AIG1: variants seen among roughly 807,000 people sequenced by gnomAD.
The protein encoded by AIG1 is androgen induced 1.
AIG1 carries 23 observed loss-of-function variants against 31.4 expected under a neutral mutation model. The ratio of observed to expected loss-of-function variants is 0.73; its 90% CI spans 0.53 to 1.04. The LOEUF (loss-of-function observed/expected upper bound fraction) is 1.04, where lower values mean the gene tolerates loss of function less well. Among genes scored for constraint, AIG1 ranks in the 50% least tolerant of loss-of-function variants. The pLI is 0.00. For synonymous variants in AIG1, 100 were observed against 110.5 expected (o/e 0.90, Z 0.60); for missense variants, 274 against 295.0 (o/e 0.93, Z 0.52).
intron 4 of AIG1, among the ~76,000 whole-genome samples, chr6:143,312,472 T>C (rs1234418478): frequency 6.6e-6 from 1 of 152,104 alleles, no homozygotes; most frequent in Non-Finnish European, 1.5e-5. Context: ...GACAGTCTCT[T>C]CAATAAATGT....
At chr6:143,278,010 C>A (rs879599115) in intron 3 of AIG1, among the ~76,000 whole-genome samples, 8 of 152,208 alleles carry the variant, frequency 5.3e-5, no homozygotes, top group Non-Finnish European at 1.2e-4. Context: ...TTCTATTAAT[C>A]CACAGCGAAG....
chr6:143,222,864 A>G (rs181191348), intron 3 of AIG1, among the ~76,000 whole-genome samples: 2 of 152,340 alleles, frequency 1.3e-5, no homozygotes, highest in East Asian at 1.9e-4. Flanking sequence ...AGCAGCTCCA[A>G]GCCTTCCTGC....
intron 3 of AIG1, among the ~76,000 whole-genome samples, chr6:143,200,442 C>G (rs963328844): frequency 4.6e-5 from 7 of 152,116 alleles, no homozygotes; most frequent in Admixed American, 3.3e-4. Flanking sequence ...ACTTCCTTAT[C>G]CACACAGTGC....
Position 143,197,177 on chromosome 6 carries a change from CT to C in AIG1, c.399+32007del, listed in dbSNP as rs76014278. 9.4e-3 allele frequency among the ~76,000 whole-genome samples: 1,332 copies of C among 141,484 alleles called. 12 individuals carry two copies. Among genetic ancestry groups the C allele is most frequent in the East Asian group, 0.073 (359 of 4,926 alleles). 92.8% of individuals were successfully genotyped at this position (141,484 alleles called of 152,430 possible). ...TCAAATGTTTCTCGACACAAAAGTGCTTTTTTTTTTTTTCCTGTAGGACAGT... is the reference window on the plus strand; with the variant it reads ...TCAAATGTTTCTCGACACAAAAGTGCTTTTTTTTTTTTCCTGTAGGACAGT... On this transcript the variant is annotated intron_variant, in intron 3 of 5. Coordinates refer to ENST00000357847, the MANE Select transcript of AIG1 (RefSeq NM_016108.4).
intron 1 of AIG1, among the ~76,000 whole-genome samples, chr6:143,114,219 C>T (rs1207927808): frequency 6.6e-6 from 1 of 152,174 alleles, no homozygotes. Flanking sequence ...TTTCAAAACA[C>T]ATATCTGTTT....
At chr6:143,143,528 AATATATAT>A (rs1245695724) in intron 2 of AIG1, among the ~76,000 whole-genome samples, 30 of 27,796 alleles carry the variant, frequency 1.1e-3, no homozygotes, top group African/African-American at 2.8e-3. Flanking sequence ...AAAAAAAAAA[AATATATAT>A]ATATATATAT....
chr6:143,334,115 C>G lies in AIG1; in HGVS notation c.679+670C>G. ...GGCAAGGCACGTAATCTTATCCAAG[C>G]TGTGCAAAACCTGTCCAAAGTGTAT... is the stretch of plus-strand genomic sequence containing the variant. On this transcript the variant is annotated intron_variant, in intron 5 of 5. Coordinates refer to ENST00000357847, the MANE Select transcript of AIG1 (RefSeq NM_016108.4). The surrounding 1 kb of genome is among the most constrained non-coding windows in gnomAD (Gnocchi z 5.1). 1 of 1,550,136 alleles carries G rather than the reference C, an allele frequency of 6.5e-7. No homozygotes were observed. The highest frequency in any genetic ancestry group is 8.7e-7 in the Non-Finnish European group (1 of 1,146,678).
At chr6:143,085,021 T>C (rs1195082707) in intron 1 of AIG1, among the ~76,000 whole-genome samples, 1 of 152,220 alleles carries the variant, frequency 6.6e-6, no homozygotes, top group Non-Finnish European at 1.5e-5. Context: ...TTGGGGTTAG[T>C]GTCTGATCTA....
At chr6:143,177,720 A>C (rs958041035) in intron 3 of AIG1, among the ~76,000 whole-genome samples, 3 of 152,060 alleles carry the variant, frequency 2.0e-5, no homozygotes, top group African/African-American at 7.2e-5. Context: ...CTACCACTGG[A>C]GTGGGCAGGT....
Position 143,284,354 on chromosome 6 carries a change from G to A in AIG1, c.515+129G>A. 2 of 625,880 alleles carry A rather than the reference G, an allele frequency of 3.2e-6. No homozygotes were observed. The highest frequency in any genetic ancestry group is 5.5e-6 in the Non-Finnish European group (2 of 364,628). 38.8% of individuals were successfully genotyped at this position (625,880 alleles called of 1,614,324 possible). ...TGTGCCGCATTTGGTCCAAGACCTG[G>A]GCTTTGTCTCGTTTCCCCAGATGCT... On this transcript the variant is annotated intron_variant, in intron 4 of 5. Transcript: ENST00000357847. This position sits in a 1 kb window ranked among gnomAD's most constrained non-coding sequence, Gnocchi z 4.4.
At chr6:143,302,392 A>G (rs1583797875) in intron 4 of AIG1, among the ~76,000 whole-genome samples, 1 of 149,698 alleles carries the variant, frequency 6.7e-6, no homozygotes, top group East Asian at 2.0e-4. Flanking sequence ...ACCCCACAAC[A>G]GTCCTCAGAG....
Position 143,084,191 on chromosome 6 carries a change from G to T in AIG1, c.141+23125G>T, listed in dbSNP as rs1778550151. 2.0e-5 allele frequency among the ~76,000 whole-genome samples: 3 copies of T among 152,278 alleles called. 1 individual carries two copies. In the South Asian group the frequency reaches 6.2e-4, roughly 32 times the overall value. On this transcript the variant is annotated intron_variant, in intron 1 of 5. Transcript: ENST00000357847. Reference sequence around the variant, plus strand: ...TCTGTGACGGTGATGGTATGGGCTGGTGCTTGCCCCGGGCACCCTCAGTCC... The same window carrying T: ...TCTGTGACGGTGATGGTATGGGCTGTTGCTTGCCCCGGGCACCCTCAGTCC...
intron 3 of AIG1, among the ~76,000 whole-genome samples, chr6:143,218,613 G>A (rs1792216257): frequency 6.6e-6 from 1 of 152,026 alleles, no homozygotes; most frequent in Non-Finnish European, 1.5e-5. Context: ...GTATCCGGGT[G>A]GTATCCTCCA....
At chr6:143,168,716 T>C (rs1787208661) in intron 3 of AIG1, among the ~76,000 whole-genome samples, 1 of 151,934 alleles carries the variant, frequency 6.6e-6, no homozygotes, top group Admixed American at 6.6e-5. Context: ...GGTGGGGGGA[T>C]TGCTTGAGCC....
At chr6:143,189,698 T>G in intron 3 of AIG1, 1 of 985,440 alleles carries the variant, frequency 1.0e-6, no homozygotes, top group South Asian at 4.7e-5. Context: ...TAAATGTTTT[T>G]AACTGAAGAA....
At position 143,138,749 on chromosome 6, in the gene AIG1, C is replaced by T. The variant is rs9399424; in HGVS notation, c.297+1759C>T. On this transcript the variant is annotated intron_variant, in intron 2 of 5. Coordinates refer to ENST00000357847, the MANE Select transcript of AIG1 (RefSeq NM_016108.4). ...TCTACTAAAAATACAAAAAATGAGC[C>T]GGGCGTGGTGGTGGGCTCCTTTAGT... is the stretch of plus-strand genomic sequence containing the variant. Among the ~76,000 whole-genome samples the T allele has an allele frequency of 3.1e-3, 465 of 151,904 alleles. 14 individuals are homozygous for T. The East Asian group carries it at 0.054, about 17-fold the overall frequency.
chr6:143,065,856 G>A (rs1308057371), intron 1 of AIG1, among the ~76,000 whole-genome samples: 5 of 152,224 alleles, frequency 3.3e-5, no homozygotes, highest in Non-Finnish European at 7.3e-5. Context: ...AAATATTGAT[G>A]ATGGATGTAA....
intron 2 of AIG1, among the ~76,000 whole-genome samples, chr6:143,152,077 G>A (rs1358860516): frequency 2.0e-5 from 3 of 152,026 alleles, no homozygotes; most frequent in Admixed American, 2.0e-4. Flanking sequence ...CATTTGATTA[G>A]CCTTCAGTTT....
chr6:143,161,529 T>TCATA (rs1554252505), intron 2 of AIG1, among the ~76,000 whole-genome samples: 2 of 149,404 alleles, frequency 1.3e-5, no homozygotes, highest in Non-Finnish European at 3.0e-5. Context: ...AAAACATATA[T>TCATA]TATATATATA....
Sources: allele counts gnomAD v4.1 joint callset (sites outside exome capture counted in the v4.1 genomes callset), GRCh38; gene constraint gnomAD v4.1.1; non-coding constraint Gnocchi (gnomAD v3.1); transcripts MANE v1.5; gene names NCBI Gene and HGNC (gene_info 2026-07-23, HGNC 2026-07-21).